Variants in KCNMA1 observed in about 807,000 individuals in gnomAD.
The protein encoded by KCNMA1 is Calcium-activated potassium channel subunit alpha-1.
In KCNMA1, 29 loss-of-function variants were observed where a neutral mutation model predicts 140.0. That is an observed-to-expected ratio of 0.21 (90% CI 0.15 to 0.28). The LOEUF (loss-of-function observed/expected upper bound fraction) is 0.28. Ranked by LOEUF, KCNMA1 falls within the 10% of genes least tolerant of loss-of-function variation. The pLI, the probability that KCNMA1 is intolerant of heterozygous loss-of-function variation, is 1.00. For missense variants in KCNMA1, 880 were observed against 1,602.2 expected (o/e 0.55, Z 7.70); for synonymous variants, 612 against 611.9 (o/e 1.00, Z 0.00).
chr10:77,229,745 C>CTATATA (rs146102707), intron 3 of KCNMA1, among the ~76,000 whole-genome samples: 41 of 148,348 alleles, frequency 2.8e-4, no homozygotes, highest in African/African-American at 1.0e-3. Context: ...GGAGTAGTGG[C>CTATATA]TATATATATA....
At chr10:77,106,411 G>A (rs546393012) in intron 9 of KCNMA1, among the ~76,000 whole-genome samples, 37 of 152,272 alleles carry the variant, frequency 2.4e-4, no homozygotes, top group East Asian at 1.2e-3. Flanking sequence ...AAAGATGACC[G>A]GATCGGACTG....
intron 5 of KCNMA1, among the ~76,000 whole-genome samples, chr10:77,156,735 A>C (rs1235952311): frequency 6.6e-6 from 1 of 152,204 alleles, no homozygotes; most frequent in African/African-American, 2.4e-5. Context: ...GTAGAACTGA[A>C]GACTGGCCCT....
At chr10:77,602,589 G>A (rs900649755) in intron 1 of KCNMA1, among the ~76,000 whole-genome samples, 5 of 152,100 alleles carry the variant, frequency 3.3e-5, no homozygotes, top group African/African-American at 1.2e-4. Flanking sequence ...AAAATTTGAT[G>A]GTGTAGAAGA....
intron 5 of KCNMA1, among the ~76,000 whole-genome samples, chr10:77,158,129 C>T (rs1399434681): frequency 6.6e-6 from 1 of 152,060 alleles, no homozygotes; most frequent in Non-Finnish European, 1.5e-5. Context: ...TGAAACTGAA[C>T]AAAAGAAAAC....
At chr10:77,552,685 G>A (rs1043161724) in intron 1 of KCNMA1, among the ~76,000 whole-genome samples, 4 of 152,096 alleles carry the variant, frequency 2.6e-5, no homozygotes, top group African/African-American at 4.8e-5. Context: ...TTCTTTTCTT[G>A]TGAACACCCC....
intron 1 of KCNMA1, among the ~76,000 whole-genome samples, chr10:77,633,098 C>T (rs1464678481): frequency 1.3e-5 from 2 of 152,188 alleles, no homozygotes; most frequent in Admixed American, 6.5e-5. Context: ...GGGCGAATCA[C>T]AAGGTCAGGA....
intron 21 of KCNMA1, among the ~76,000 whole-genome samples, chr10:76,951,127 T>G (rs2066103016): frequency 6.6e-6 from 1 of 152,056 alleles, no homozygotes; most frequent in Non-Finnish European, 1.5e-5. Flanking sequence ...GGAAGTGAAT[T>G]CTAGAATAGG....
intron 1 of KCNMA1, among the ~76,000 whole-genome samples, chr10:77,611,437 G>A (rs1457797948): frequency 1.3e-5 from 2 of 152,158 alleles, no homozygotes; most frequent in Admixed American, 6.5e-5. Flanking sequence ...AGACATCGTT[G>A]AGCCACCGGA....
At chr10:76,996,647 G>C (rs1339108140) in intron 19 of KCNMA1, among the ~76,000 whole-genome samples, 1 of 152,138 alleles carries the variant, frequency 6.6e-6, no homozygotes, top group Non-Finnish European at 1.5e-5. Context: ...AGCACGGCAA[G>C]CATGGGAAGA....
rs1245847407 is a variant in KCNMA1 at position 77,001,190 on chromosome 10, G to C, written c.2266+217C>G. The stretch of plus-strand genomic sequence containing the variant: ...CTGTAATATCACAGTCCTGCATGCT[G>C]TTACGAGAAGCGTAAGTTAAGAAAA... On this transcript the variant is annotated intron_variant, in intron 19 of 27. Transcript: ENST00000286628. Among the ~76,000 whole-genome samples the C allele has an allele frequency of 2.0e-5, 3 of 152,060 alleles. No homozygotes were observed. In the East Asian group the frequency reaches 5.8e-4, roughly 29 times the overall value.
At chr10:77,115,429 T>G (rs1371084571) in intron 6 of KCNMA1, among the ~76,000 whole-genome samples, 1 of 152,188 alleles carries the variant, frequency 6.6e-6, no homozygotes, top group Non-Finnish European at 1.5e-5. Flanking sequence ...GCTCCCACAT[T>G]GGAGGGTAAG....
At chr10:77,525,570 A>G (rs2154551808) in intron 1 of KCNMA1, among the ~76,000 whole-genome samples, 3 of 152,314 alleles carry the variant, frequency 2.0e-5, no homozygotes, top group African/African-American at 7.2e-5. Flanking sequence ...CTGGCCCCAC[A>G]CAGCTGGTGC....
intron 2 of KCNMA1, among the ~76,000 whole-genome samples, chr10:77,355,561 A>T (rs559955853): frequency 6.6e-6 from 1 of 152,176 alleles, no homozygotes; most frequent in Non-Finnish European, 1.5e-5. Context: ...CTTCAGTCAT[A>T]TTAGGGCCTA....
chr10:77,414,995 T>C (rs2096708498), intron 1 of KCNMA1, among the ~76,000 whole-genome samples: 1 of 152,214 alleles, frequency 6.6e-6, no homozygotes, highest in African/African-American at 2.4e-5. Flanking sequence ...TTACTACTAC[T>C]ACTGAAACAA....
At chr10:77,253,308 C>G (rs2060045411) in intron 2 of KCNMA1, among the ~76,000 whole-genome samples, 1 of 152,194 alleles carries the variant, frequency 6.6e-6, no homozygotes, top group South Asian at 2.1e-4. Flanking sequence ...GAATGCTGAG[C>G]ATCTGTCAGA....
chr10:77,177,923 T>G (rs1235653235), intron 5 of KCNMA1, among the ~76,000 whole-genome samples: 1 of 152,216 alleles, frequency 6.6e-6, no homozygotes, highest in Non-Finnish European at 1.5e-5. Context: ...CAATGTTTTG[T>G]CCTTTTGTTG....
At chr10:77,563,624 G>A (rs75179483) in intron 1 of KCNMA1, among the ~76,000 whole-genome samples, 2,225 of 152,170 alleles carry the variant, frequency 0.015, 61 homozygotes, top group African/African-American at 0.051. Flanking sequence ...GAGGAAAAAG[G>A]GAGTGTCATG....
chr10:77,043,059 G>A (rs778443347), intron 14 of KCNMA1, among the ~76,000 whole-genome samples: 6 of 152,064 alleles, frequency 3.9e-5, no homozygotes, highest in African/African-American at 1.2e-4. Flanking sequence ...TTGCCTCTGT[G>A]GCTAATCAAA....
At chr10:77,168,471 C>G (rs2098667828) in intron 5 of KCNMA1, among the ~76,000 whole-genome samples, 1 of 152,138 alleles carries the variant, frequency 6.6e-6, no homozygotes, top group African/African-American at 2.4e-5. Context: ...GCCTATTGCT[C>G]CTAAGCTACA....
Sources: gnomAD v4.1 joint callset for allele counts (sites outside exome capture counted in the v4.1 genomes callset) on GRCh38, gnomAD v4.1.1 for gene constraint, MANE v1.5 for transcripts, NCBI Gene and HGNC (gene_info 2026-07-23, HGNC 2026-07-21) for gene names.